Variants in SYNDIG1 observed in about 807,000 individuals in gnomAD.
SYNDIG1 encodes synapse differentiation inducing 1, also known as synapse differentiation-inducing gene protein 1.
SYNDIG1 carries 9 observed loss-of-function variants against 19.4 expected under a neutral mutation model. That is an observed-to-expected ratio of 0.46 (90% CI 0.28 to 0.81). SYNDIG1 has a LOEUF of 0.81. Among genes scored for constraint, SYNDIG1 ranks in the 30% least tolerant of loss-of-function variants. The pLI is 0.12. For synonymous variants in SYNDIG1, 141 were observed against 145.9 expected, an observed-to-expected ratio of 0.97 and a Z score of 0.24; for missense variants, 311 against 343.3, an observed-to-expected ratio of 0.91 and a Z score of 0.74.
At chr20:24,631,537 A>G (rs2059244050) in intron 3 of SYNDIG1, among the ~76,000 whole-genome samples, 1 of 152,200 alleles carries the variant, frequency 6.6e-6, no homozygotes, top group African/African-American at 2.4e-5. Context: ...TTTTTTCTTC[A>G]TAAAAAGGTG....
chr20:24,608,739 C>T lies in SYNDIG1; in HGVS notation c.618+23746C>T, dbSNP rs137996175. The stretch of plus-strand genomic sequence containing the variant: ...AATAAGGCAACAAGTACCTCTCAGA[C>T]CGCCCGATGGCCGTCAGTAAGGATG... On this transcript the variant is annotated intron_variant, in intron 3 of 3. Coordinates refer to ENST00000376862, the MANE Select transcript of SYNDIG1 (RefSeq NM_024893.3). Among the ~76,000 whole-genome samples, 829 of 152,320 alleles carry T rather than the reference C, an allele frequency of 5.4e-3. 7 individuals carry two copies. Among genetic ancestry groups the T allele is most frequent in the African/African-American group, 0.019 (779 of 41,568 alleles).
intron 3 of SYNDIG1, among the ~76,000 whole-genome samples, chr20:24,638,455 A>T (rs577442133): frequency 6.6e-6 from 1 of 152,240 alleles, no homozygotes; most frequent in South Asian, 2.1e-4. Context: ...CCTGAGCTCA[A>T]GCGATTCTCC....
chr20:24,661,847 C>T (rs1157738433), intron 3 of SYNDIG1, among the ~76,000 whole-genome samples: 3 of 152,222 alleles, frequency 2.0e-5, no homozygotes, highest in Non-Finnish European at 4.4e-5. Context: ...TCACAAGAAG[C>T]CACTCCCTTC....
At chr20:24,517,411 C>T (rs748973507) in intron 1 of SYNDIG1, among the ~76,000 whole-genome samples, 1 of 150,366 alleles carries the variant, frequency 6.7e-6, no homozygotes, top group African/African-American at 2.4e-5. Context: ...GTCAGGAGAT[C>T]GAGACCATCC....
intron 3 of SYNDIG1, among the ~76,000 whole-genome samples, chr20:24,594,124 G>A (rs1017361782): frequency 1.4e-4 from 22 of 152,140 alleles, no homozygotes; most frequent in African/African-American, 4.8e-4. Context: ...TGTCCAGGAT[G>A]GTATTTCCTA....
At chr20:24,649,786 G>T (rs533698490) in intron 3 of SYNDIG1, among the ~76,000 whole-genome samples, 1 of 152,240 alleles carries the variant, frequency 6.6e-6, no homozygotes. Context: ...AGTGAAAGGG[G>T]TCACCCATGT....
chr20:24,533,271 C>G (rs756884164), intron 1 of SYNDIG1, among the ~76,000 whole-genome samples: 5 of 152,120 alleles, frequency 3.3e-5, no homozygotes, highest in Non-Finnish European at 5.9e-5. Context: ...TTACCTTCCT[C>G]CTTGCAGGCT....
chr20:24,650,412 A>AGTC (rs1233348360), intron 3 of SYNDIG1, among the ~76,000 whole-genome samples: 1 of 152,258 alleles, frequency 6.6e-6, no homozygotes, highest in African/African-American at 2.4e-5. Flanking sequence ...GTCCATCCTC[A>AGTC]GTCCACATGG....
At chr20:24,484,117 G>T (rs528718334) in intron 1 of SYNDIG1, among the ~76,000 whole-genome samples, 1 of 152,206 alleles carries the variant, frequency 6.6e-6, no homozygotes, top group Non-Finnish European at 1.5e-5. Context: ...GGGGTCAGAC[G>T]AATTCAAGTG....
In SYNDIG1 at chr20:24,598,859, A is replaced by C. The variant is rs530141633; in HGVS notation, c.618+13866A>C. On this transcript the variant is annotated intron_variant, in intron 3 of 3. Coordinates refer to ENST00000376862, the MANE Select transcript of SYNDIG1 (RefSeq NM_024893.3). ...TCAACTCACAATGAGTTTAAGACTT[A>C]AACATAAGACCAAAAACTATAAAAC... Among the ~76,000 whole-genome samples, 3 of 152,328 alleles carry C rather than the reference A, an allele frequency of 2.0e-5. No individual in the cohort carries two copies. In the South Asian group the frequency reaches 6.2e-4, roughly 32 times the overall value.
intron 1 of SYNDIG1, among the ~76,000 whole-genome samples, chr20:24,521,899 CA>C (rs11484410): frequency 0.088 from 12,043 of 136,844 alleles, 1,636 homozygotes; most frequent in African/African-American, 0.3. Context: ...GACTCCCTCT[CA>C]AAAAAAAAAA....
At chr20:24,555,915 TC>T (rs1206370842) in intron 2 of SYNDIG1, among the ~76,000 whole-genome samples, 1 of 152,154 alleles carries the variant, frequency 6.6e-6, no homozygotes, top group Admixed American at 6.5e-5. Context: ...TGTTAAAGTC[TC>T]CCATTATTAT....
At chr20:24,477,146 T>A (rs1043216350) in intron 1 of SYNDIG1, among the ~76,000 whole-genome samples, 6 of 152,172 alleles carry the variant, frequency 3.9e-5, no homozygotes, top group Non-Finnish European at 7.3e-5. Flanking sequence ...AGGAAAAACA[T>A]GCGTCACACT....
At chr20:24,497,359 C>T (rs529823067) in intron 1 of SYNDIG1, among the ~76,000 whole-genome samples, 8 of 152,200 alleles carry the variant, frequency 5.3e-5, no homozygotes, top group African/African-American at 1.9e-4. Context: ...TACCACCAAG[C>T]CCGGCTAATT....
At chr20:24,480,048 C>T (rs2055754144) in intron 1 of SYNDIG1, among the ~76,000 whole-genome samples, 1 of 152,332 alleles carries the variant, frequency 6.6e-6, no homozygotes, top group South Asian at 2.1e-4. Context: ...ACACCTCCCC[C>T]ACCTGCAGTT....
chr20:24,640,170 CA>C (rs760247583), intron 3 of SYNDIG1, among the ~76,000 whole-genome samples: 1 of 151,906 alleles, frequency 6.6e-6, no homozygotes, highest in African/African-American at 2.4e-5. Flanking sequence ...CCCATCTCTA[CA>C]AAAAACACAA....
At chr20:24,524,387 A>G (rs62215267) in intron 1 of SYNDIG1, among the ~76,000 whole-genome samples, 1 of 152,146 alleles carries the variant, frequency 6.6e-6, no homozygotes, top group South Asian at 2.1e-4. Context: ...GGCTCACGCC[A>G]GTAATCCCAG....
chr20:24,625,384 ATTTTTTTT>A lies in SYNDIG1; in HGVS notation c.619-39948_619-39941del, dbSNP rs35759862. ...GGCCATCACTCCAAATGCCTGGGAC[ATTTTTTTT>A]TTTTTTTTTTTTTGATCATTCTTGG... is the stretch of plus-strand genomic sequence containing the variant. On this transcript the variant is annotated intron_variant, in intron 3 of 3. Transcript: ENST00000376862. Among the ~76,000 whole-genome samples, 7 of 115,278 alleles carry A rather than the reference ATTTTTTTT, an allele frequency of 6.1e-5. No individual in the cohort carries two copies. In the South Asian group the frequency reaches 8.8e-4, roughly 15 times the overall value. 75.6% of individuals were successfully genotyped at this position (115,278 alleles called of 152,430 possible).
chr20:24,631,948 G>A (rs975264287), intron 3 of SYNDIG1, among the ~76,000 whole-genome samples: 6 of 152,156 alleles, frequency 3.9e-5, no homozygotes, highest in Admixed American at 3.9e-4. Context: ...ATTTTGATAA[G>A]AGCTTAGATT....
Sources: gnomAD v4.1 joint callset for allele counts (sites outside exome capture counted in the v4.1 genomes callset) on GRCh38, gnomAD v4.1.1 for gene constraint, MANE v1.5 for transcripts, NCBI Gene and HGNC (gene_info 2026-07-23, HGNC 2026-07-21) for gene names.